Variants in GNAI1 observed in about 807,000 individuals in gnomAD.
GNAI1 encodes guanine nucleotide-binding protein G(i) subunit alpha-1.
A neutral mutation model predicts 38.9 loss-of-function variants in GNAI1; 11 were observed. The ratio of observed to expected loss-of-function variants is 0.28; its 90% CI spans 0.18 to 0.47. The LOEUF (loss-of-function observed/expected upper bound fraction) is 0.47. Among genes scored for constraint, GNAI1 ranks in the 20% least tolerant of loss-of-function variants. The pLI, the probability that GNAI1 is intolerant of heterozygous loss-of-function variation, is 0.99. For missense variants in GNAI1, 317 were observed against 436.9 expected (o/e 0.73, Z 2.45); for synonymous variants, 166 against 145.1 (o/e 1.14, Z -1.04).
intron 1 of GNAI1, among the ~76,000 whole-genome samples, chr7:80,175,467 C>G (rs1788168424): frequency 6.6e-6 from 1 of 151,804 alleles, no homozygotes; most frequent in African/African-American, 2.4e-5. Context: ...AAGATTCATT[C>G]CAAGTACAAG....
chr7:80,205,679 C>T (rs1365127460), intron 5 of GNAI1, among the ~76,000 whole-genome samples: 1 of 151,804 alleles, frequency 6.6e-6, no homozygotes, highest in East Asian at 1.9e-4. Flanking sequence ...CTAACTTTTA[C>T]CCAACTCCAT....
chr7:80,171,337 C>T (rs1021886740), intron 1 of GNAI1, among the ~76,000 whole-genome samples: 1 of 151,982 alleles, frequency 6.6e-6, no homozygotes, highest in Non-Finnish European at 1.5e-5. Flanking sequence ...TGTGTCAATG[C>T]GTGTGAAATA....
chr7:80,137,293 C>CTTTTTTTTTTTTTTTTTTTTT (rs377362596), intron 1 of GNAI1, among the ~76,000 whole-genome samples: 1 of 95,262 alleles, frequency 1.0e-5, no homozygotes, highest in Non-Finnish European at 1.9e-5. Context: ...TTTCTTTTTT[C>CTTTTTTTTTTTTTTTTTTTTT]TTTTTTTTTT....
Position 80,217,298 on chromosome 7 carries a change from C to G in GNAI1, c.875-5C>G, listed in dbSNP as rs771684884. On this transcript the variant is annotated splice_region_variant and splice_polypyrimidine_tract_variant and intron_variant, in intron 7 of 7. Transcript: ENST00000649796. ...ATTTATGTTTCTTTCCTTTTTCCATCTCAGGATCAAACACATATGAAGAGG... is the reference window on the plus strand; with the variant it reads ...ATTTATGTTTCTTTCCTTTTTCCATGTCAGGATCAAACACATATGAAGAGG... 91 of 1,517,804 alleles carry G rather than the reference C, an allele frequency of 6.0e-5. No homozygotes were observed. Among genetic ancestry groups the G allele is most frequent in the Non-Finnish European group, 7.3e-5 (83 of 1,129,704 alleles). The allele number at this position is 1,517,804 out of a possible 1,614,324, so 94.0% of individuals were successfully genotyped here. A position where few individuals can be genotyped will look rare whatever the true frequency, so the allele number is the denominator to read the frequency against.
At position 80,218,008 on chromosome 7, in the gene GNAI1, A is replaced by G. The variant is rs997814574; in HGVS notation, c.*515A>G. ...CAGCCCTTATCTAGATTATATGTAT[A>G]CTTGTATTAATAAAAATGTTATTTG... On this transcript the variant is annotated 3_prime_UTR_variant, in exon 8 of 8. Coordinates refer to ENST00000649796, the MANE Select transcript of GNAI1 (RefSeq NM_002069.6). The G allele has an allele frequency of 7.9e-5, 12 of 152,568 alleles. No individual in the cohort carries two copies. Among genetic ancestry groups the G allele is most frequent in the Admixed American group, 5.9e-4 (9 of 15,262 alleles). 9.5% of individuals were successfully genotyped at this position (152,568 alleles called of 1,614,324 possible).
At chr7:80,170,348 A>C (rs542129831) in intron 1 of GNAI1, among the ~76,000 whole-genome samples, 2 of 152,308 alleles carry the variant, frequency 1.3e-5, no homozygotes, top group Non-Finnish European at 2.9e-5. Flanking sequence ...GGTGTGAAGT[A>C]GTACCTTTAT....
chr7:80,197,611 A>T (rs895775446), intron 3 of GNAI1, among the ~76,000 whole-genome samples: 1 of 152,066 alleles, frequency 6.6e-6, no homozygotes, highest in Non-Finnish European at 1.5e-5. Context: ...ATAATTGAAT[A>T]ATTGTTTACT....
At position 80,218,753 on chromosome 7, in the gene GNAI1, A is replaced by G. The variant is rs577850801; in HGVS notation, c.*1260A>G. Reference sequence around the variant, plus strand: ...ATTATTTCTGAGAATGAAATGGACGATTACACTTAGAAAATGAGTAATAGT... The same window carrying G: ...ATTATTTCTGAGAATGAAATGGACGGTTACACTTAGAAAATGAGTAATAGT... On this transcript the variant is annotated 3_prime_UTR_variant, in exon 8 of 8. Coordinates refer to ENST00000649796, the MANE Select transcript of GNAI1 (RefSeq NM_002069.6). 3 of 152,090 alleles carry G rather than the reference A, an allele frequency of 2.0e-5. No homozygotes were observed. The highest frequency in any genetic ancestry group is 4.4e-5 in the Non-Finnish European group (3 of 68,000). 9.4% of individuals were successfully genotyped at this position (152,090 alleles called of 1,614,324 possible).
In GNAI1 at chr7:80,221,802, C is replaced by T. The variant is rs1789082857; in HGVS notation, c.*4309C>T. Among the ~76,000 whole-genome samples, 1 of 151,878 alleles carries T rather than the reference C, an allele frequency of 6.6e-6. No homozygotes were observed. The highest frequency in any genetic ancestry group is 2.4e-5 in the African/African-American group (1 of 41,358). On this transcript the variant is annotated 3_prime_UTR_variant, in exon 8 of 8. Transcript: ENST00000649796. ...GGATTACAGGCATGCGCCACTACAC[C>T]CAGCTAATTTTTGTATTTTTAGTAA... is the stretch of plus-strand genomic sequence containing the variant.
chr7:80,191,549 A>T (rs1788480763), intron 3 of GNAI1, among the ~76,000 whole-genome samples: 1 of 151,806 alleles, frequency 6.6e-6, no homozygotes, highest in African/African-American at 2.4e-5. Context: ...ATGCCACCAC[A>T]CCTGGCTAAT....
Position 80,189,073 on chromosome 7 carries a change from C to G in GNAI1, c.162-17C>G. The G allele has an allele frequency of 6.2e-7, 1 of 1,601,170 alleles. No homozygotes were observed. On this transcript the variant is annotated splice_polypyrimidine_tract_variant and intron_variant, in intron 2 of 7. Transcript: ENST00000649796. ...AAGGAAGTAAATAATTCTTTTTTTT[C>G]CCTTTTGTCTCATTAGAATTATCCA...
At chr7:80,199,722 A>T (rs949585408) in intron 4 of GNAI1, among the ~76,000 whole-genome samples, 4 of 152,166 alleles carry the variant, frequency 2.6e-5, no homozygotes, top group African/African-American at 9.6e-5. Context: ...ACTTGGAGCT[A>T]TGTTAATGAG....
intron 1 of GNAI1, among the ~76,000 whole-genome samples, chr7:80,162,163 G>A (rs534450565): frequency 5.3e-5 from 8 of 152,222 alleles, no homozygotes; most frequent in East Asian, 1.9e-4. Context: ...CAGCAAGTAA[G>A]TGACTGGCTG....
chr7:80,136,630 G>A (rs1438516865), intron 1 of GNAI1, among the ~76,000 whole-genome samples: 1 of 152,148 alleles, frequency 6.6e-6, no homozygotes. Context: ...ACATTAATAA[G>A]AAATACTGTG....
Sources: gnomAD v4.1 joint callset for allele counts (sites outside exome capture counted in the v4.1 genomes callset) on GRCh38, gnomAD v4.1.1 for gene constraint, MANE v1.5 for transcripts, NCBI Gene and HGNC (gene_info 2026-07-23, HGNC 2026-07-21) for gene names.